ADAM23: variants seen among roughly 807,000 people sequenced by gnomAD.
ADAM23 encodes disintegrin and metalloproteinase domain-containing protein 23.
ADAM23 carries 33 observed loss-of-function variants against 120.1 expected under a neutral mutation model. The ratio of observed to expected loss-of-function variants is 0.27; its 90% CI spans 0.21 to 0.37. The LOEUF is 0.37. Among genes scored for constraint, ADAM23 ranks in the 10% least tolerant of loss-of-function variants. The probability of loss-of-function intolerance (pLI) is 1.00; values close to 1 mark genes in which losing one functional copy is unlikely to be tolerated. For missense variants in ADAM23, 862 were observed against 1,058.2 expected, an observed-to-expected ratio of 0.81 and a Z score of 2.57; for synonymous variants, 367 against 375.2, an observed-to-expected ratio of 0.98 and a Z score of 0.25.
intron 25 of ADAM23, 84 bp downstream of exon 25, chr2:206,610,084 C>A: frequency 1.6e-6 from 2 of 1,246,930 alleles, no homozygotes; most frequent in South Asian, 1.7e-5. Flanking sequence ...GTTCCTGCTA[C>A]AAGAGCTTAG....
chr2:206,466,549 T>C (rs1695545614), intron 2 of ADAM23, among the ~76,000 whole-genome samples: 1 of 152,258 alleles, frequency 6.6e-6, no homozygotes, highest in South Asian at 2.1e-4. Flanking sequence ...ATTCATTTAC[T>C]AGGATTTTTT....
chr2:206,617,768 G>A lies in ADAM23; in HGVS notation c.*141G>A. ...TACGGAGCTAAAGTTGGGGTGACAA[G>A]GATGGGGTAAAAGAAAACTGTCTCT... On this transcript the variant is annotated 3_prime_UTR_variant, in exon 26 of 26. Coordinates refer to ENST00000264377, the MANE Select transcript of ADAM23 (RefSeq NM_003812.4). 2 of 1,471,762 alleles carry A rather than the reference G, an allele frequency of 1.4e-6. No individual in the cohort carries two copies. The highest frequency in any genetic ancestry group is 1.8e-6 in the Non-Finnish European group (2 of 1,109,344). 91.2% of individuals were successfully genotyped at this position (1,471,762 alleles called of 1,614,324 possible). A position where few individuals can be genotyped will look rare whatever the true frequency, so the allele number is the denominator to read the frequency against.
intron 18 of ADAM23, among the ~76,000 whole-genome samples, chr2:206,576,496 A>G (rs753804931): frequency 2.6e-5 from 4 of 152,148 alleles, no homozygotes; most frequent in African/African-American, 9.7e-5. Context: ...TTAGAATAGA[A>G]TATTTTTGCT....
chr2:206,589,260 A>G, intron 20 of ADAM23, 149 bp from the exon 21 acceptor site: 3 of 592,408 alleles, frequency 5.1e-6, no homozygotes, highest in Non-Finnish European at 8.5e-6. Context: ...TGGAGAATTT[A>G]TACCATGGAA....
intron 19 of ADAM23, 47 bp downstream of exon 19, chr2:206,587,422 G>A (rs750555900): frequency 1.5e-6 from 2 of 1,373,758 alleles, no homozygotes; most frequent in South Asian, 1.3e-5. Context: ...AGGATTCATT[G>A]GAAAGTTTTT....
intron 3 of ADAM23, among the ~76,000 whole-genome samples, chr2:206,498,567 A>G (rs563029421): frequency 4.2e-4 from 64 of 152,316 alleles, no homozygotes; most frequent in Non-Finnish European, 6.6e-4. Flanking sequence ...AACCTAGGCA[A>G]TACCATTCAG....
At chr2:206,616,368 A>T (rs1036596420) in intron 25 of ADAM23, among the ~76,000 whole-genome samples, 2 of 152,244 alleles carry the variant, frequency 1.3e-5, no homozygotes, top group African/African-American at 4.8e-5. Flanking sequence ...GTTGGCTGCA[A>T]TGGTTACCTG....
intron 21 of ADAM23, among the ~76,000 whole-genome samples, 200 bp downstream of exon 21, chr2:206,589,714 A>G (rs1307713831): frequency 6.6e-6 from 1 of 152,202 alleles, no homozygotes; most frequent in East Asian, 1.9e-4. Context: ...CTACAGATTC[A>G]TGCCATTTTC....
In ADAM23 at chr2:206,618,732, T is replaced by C. The variant is rs1698984469; in HGVS notation, c.*1105T>C. ...AAAAGGGGGGACATAAACAACAAAA[T>C]AACCCATATCAAAGACACAAAATTA... On this transcript the variant is annotated 3_prime_UTR_variant, in exon 26 of 26. Transcript: ENST00000264377. 6.6e-6 allele frequency: 1 copy of C among 152,148 alleles called. No individual in the cohort carries two copies. Among genetic ancestry groups the C allele is most frequent in the Non-Finnish European group, 1.5e-5 (1 of 68,022 alleles). The allele number at this position is 152,148 out of a possible 1,614,324, so 9.4% of individuals were successfully genotyped here.
chr2:206,542,381 G>A (rs1199190910), intron 5 of ADAM23, among the ~76,000 whole-genome samples: 6 of 152,180 alleles, frequency 3.9e-5, no homozygotes, highest in African/African-American at 1.4e-4. Context: ...AAAGGGGAAG[G>A]ACAGATGCTT....
At chr2:206,500,338 A>G (rs1696361691) in intron 3 of ADAM23, among the ~76,000 whole-genome samples, 1 of 152,194 alleles carries the variant, frequency 6.6e-6, no homozygotes, top group Non-Finnish European at 1.5e-5. Flanking sequence ...AAGTACAAAA[A>G]TAACACAATT....
At chr2:206,494,511 A>T (rs1203696808) in intron 3 of ADAM23, among the ~76,000 whole-genome samples, 1 of 152,188 alleles carries the variant, frequency 6.6e-6, no homozygotes. Context: ...AGGGAAAGCT[A>T]TACAGAGGAG....
chr2:206,539,460 A>G (rs1374874130), intron 4 of ADAM23, among the ~76,000 whole-genome samples: 2 of 152,198 alleles, frequency 1.3e-5, no homozygotes, highest in African/African-American at 4.8e-5. Flanking sequence ...AACTGGAGAA[A>G]GAAACATGGA....
At chr2:206,531,662 CAGAA>C (rs1468344653) in intron 4 of ADAM23, among the ~76,000 whole-genome samples, 7 of 152,154 alleles carry the variant, frequency 4.6e-5, no homozygotes, top group African/African-American at 1.7e-4. Flanking sequence ...AGAATGGCTA[CAGAA>C]AGAAACTCTG....
intron 3 of ADAM23, among the ~76,000 whole-genome samples, chr2:206,481,525 A>G (rs1370621034): frequency 1.3e-5 from 2 of 152,216 alleles, no homozygotes; most frequent in Admixed American, 6.5e-5. Flanking sequence ...CAGCACTTAC[A>G]TATTATAATT....
At chr2:206,457,717 T>C (rs1695327780) in intron 2 of ADAM23, among the ~76,000 whole-genome samples, 1 of 152,240 alleles carries the variant, frequency 6.6e-6, no homozygotes, top group Admixed American at 6.5e-5. Flanking sequence ...TTCTTGTATA[T>C]GGAACAAAGT....
rs1698137436 is a variant in ADAM23, at chr2:206,577,503, A to G, written c.1737+4308A>G. 2.1e-5 allele frequency among the ~76,000 whole-genome samples: 3 copies of G among 142,058 alleles called. No individual in the cohort carries two copies. The Admixed American group carries it at 2.1e-4, about 10-fold the overall frequency. 93.2% of individuals were successfully genotyped at this position (142,058 alleles called of 152,430 possible). ...GTTCAGTTCCCACCTATGAGTGAGAATATGCAGTGTTTGGTTTTTTGTTCT... is the reference window on the plus strand; with the variant it reads ...GTTCAGTTCCCACCTATGAGTGAGAGTATGCAGTGTTTGGTTTTTTGTTCT... On this transcript the variant is annotated intron_variant, in intron 18 of 25. Coordinates refer to ENST00000264377, the MANE Select transcript of ADAM23 (RefSeq NM_003812.4).
chr2:206,472,132 G>C (rs993004009), intron 2 of ADAM23, among the ~76,000 whole-genome samples: 1 of 152,096 alleles, frequency 6.6e-6, no homozygotes, highest in African/African-American at 2.4e-5. Context: ...TAATCACTAG[G>C]GAAAATCTTA....
chr2:206,566,069 T>C (rs572047459), intron 14 of ADAM23, among the ~76,000 whole-genome samples: 21 of 152,102 alleles, frequency 1.4e-4, no homozygotes, highest in Middle Eastern at 6.8e-3. Flanking sequence ...ACCAGGCTTT[T>C]TGAGGACTAC....
Sources: allele counts gnomAD v4.1 joint callset (sites outside exome capture counted in the v4.1 genomes callset), GRCh38; gene constraint gnomAD v4.1.1; transcripts MANE v1.5; gene names NCBI Gene and HGNC (gene_info 2026-07-23, HGNC 2026-07-21).